SCFD2: variants seen among roughly 807,000 people sequenced by gnomAD.
SCFD2 encodes sec1 family domain-containing protein 2.
In SCFD2, 54 loss-of-function variants were observed where a neutral mutation model predicts 58.9. The observed-to-expected ratio is 0.92, with a 90% confidence interval of 0.74 to 1.15. The LOEUF (loss-of-function observed/expected upper bound fraction) is 1.15. Among genes scored for constraint, SCFD2 ranks in the 50% most tolerant of loss-of-function variants. The probability of loss-of-function intolerance (pLI) is 0.00; values close to 1 mark genes in which losing one functional copy is unlikely to be tolerated. For missense variants in SCFD2, 805 were observed against 836.6 expected, an observed-to-expected ratio of 0.96 and a Z score of 0.47; for synonymous variants, 321 against 335.9, an observed-to-expected ratio of 0.96 and a Z score of 0.49.
chr4:53,045,002 A>G (rs1400498227), intron 5 of SCFD2, among the ~76,000 whole-genome samples: 2 of 151,004 alleles, frequency 1.3e-5, no homozygotes, highest in African/African-American at 4.9e-5. Flanking sequence ...TTCTTAAAAT[A>G]AGCAATGCTA....
In SCFD2 at chr4:53,365,394, TC is replaced by T; in HGVS notation, c.547del (p.Asp183MetfsTer26). On this transcript the variant is annotated frameshift_variant, in exon 1 of 9. Transcript: ENST00000401642. LOFTEE classifies it high-confidence loss of function. This position sits in a 1 kb window ranked among gnomAD's most constrained non-coding sequence, Gnocchi z 4.3. ...TCGGGCGCTATTAAGGAGGTGCACA[TC>T]CTGGGGTAGCAGTGGGAAAAGGGAT... Reference protein sequence around the residue: ...FASLFPLLPQDVHLLNSARPD... With the variant: ...FASLFPLLPQXVHLLNSARPD... 6.2e-7 allele frequency: 1 copy of T among 1,614,098 alleles called. No homozygotes were observed. The highest frequency in any genetic ancestry group is 8.5e-7 in the Non-Finnish European group (1 of 1,180,014).
intron 3 of SCFD2, among the ~76,000 whole-genome samples, chr4:53,295,643 G>T (rs948143174): frequency 6.6e-6 from 1 of 152,132 alleles, no homozygotes; most frequent in Non-Finnish European, 1.5e-5. Context: ...TCTCTTGCCT[G>T]ATTACCCTGA....
At chr4:53,362,663 C>A (rs1461930908) in intron 1 of SCFD2, among the ~76,000 whole-genome samples, 1 of 138,628 alleles carries the variant, frequency 7.2e-6, no homozygotes, top group African/African-American at 2.7e-5. Context: ...ACAACTCTTT[C>A]AAGTTTGCTA....
At chr4:53,239,829 G>A (rs144039496) in intron 4 of SCFD2, among the ~76,000 whole-genome samples, 119 of 152,210 alleles carry the variant, frequency 7.8e-4, no homozygotes, top group African/African-American at 2.4e-3. Flanking sequence ...ATAGACCCAA[G>A]CTAAATTAAG....
intron 4 of SCFD2, among the ~76,000 whole-genome samples, chr4:53,254,989 C>T (rs535998278): frequency 6.6e-4 from 99 of 150,576 alleles, no homozygotes; most frequent in African/African-American, 2.2e-3. Flanking sequence ...TCTCCTGCCT[C>T]AGCCTCCCCA....
At chr4:53,117,214 G>A (rs1027358379) in intron 5 of SCFD2, among the ~76,000 whole-genome samples, 1 of 152,118 alleles carries the variant, frequency 6.6e-6, no homozygotes, top group Non-Finnish European at 1.5e-5. Flanking sequence ...GCACAAGAGG[G>A]GCCACATTTT....
chr4:53,336,894 AT>A (rs1409798567), intron 2 of SCFD2, among the ~76,000 whole-genome samples: 24 of 152,190 alleles, frequency 1.6e-4, no homozygotes, highest in African/African-American at 5.8e-4. Flanking sequence ...TGTGCTCAGT[AT>A]CCTTGAAGCC....
intron 5 of SCFD2, among the ~76,000 whole-genome samples, chr4:53,096,509 AT>A (rs1314772168): frequency 3.9e-5 from 6 of 152,152 alleles, no homozygotes; most frequent in Non-Finnish European, 8.8e-5. Context: ...GGCTGCATAA[AT>A]GTCTTCTTTT....
At chr4:52,908,164 T>C (rs1719393097) in intron 6 of SCFD2, among the ~76,000 whole-genome samples, 2 of 152,230 alleles carry the variant, frequency 1.3e-5, no homozygotes, top group South Asian at 4.1e-4. Context: ...GCAGACTACA[T>C]GGTATCATAA....
At chr4:53,297,156 G>A (rs368476566) in intron 3 of SCFD2, among the ~76,000 whole-genome samples, 5 of 152,082 alleles carry the variant, frequency 3.3e-5, no homozygotes, top group South Asian at 4.1e-4. Context: ...TATTAGGTCC[G>A]CTTGGTCTAG....
chr4:53,145,633 T>C (rs1367760426), intron 4 of SCFD2, 51 bp from the exon 5 acceptor site: 1 of 1,520,992 alleles, frequency 6.6e-7, no homozygotes. Context: ...AAAGACATAA[T>C]TTATGGATTA....
intron 4 of SCFD2, among the ~76,000 whole-genome samples, chr4:53,272,332 C>T (rs1170480079): frequency 6.6e-6 from 1 of 152,074 alleles, no homozygotes; most frequent in Non-Finnish European, 1.5e-5. Context: ...ACCATTTGAC[C>T]CAGCCATCCC....
At chr4:53,033,117 T>C (rs1722662540) in intron 5 of SCFD2, among the ~76,000 whole-genome samples, 1 of 151,756 alleles carries the variant, frequency 6.6e-6, no homozygotes, top group Non-Finnish European at 1.5e-5. Context: ...GAACAAACAG[T>C]CTCTCAGACC....
intron 2 of SCFD2, among the ~76,000 whole-genome samples, chr4:53,340,233 G>A (rs1733820533): frequency 6.6e-6 from 1 of 152,130 alleles, no homozygotes; most frequent in South Asian, 2.1e-4. Flanking sequence ...GTGACAGACG[G>A]CACCTGGAAA....
intron 2 of SCFD2, among the ~76,000 whole-genome samples, chr4:53,339,446 T>C (rs949822507): frequency 7.9e-5 from 12 of 151,918 alleles, no homozygotes; most frequent in Middle Eastern, 3.4e-3. Flanking sequence ...GTGTAACTAC[T>C]GAAAAAACAA....
intron 4 of SCFD2, among the ~76,000 whole-genome samples, chr4:53,192,021 C>G (rs1436418313): frequency 6.6e-6 from 1 of 152,176 alleles, no homozygotes; most frequent in African/African-American, 2.4e-5. Context: ...CAGCTCTGGA[C>G]TCTGGGAGTC....
intron 5 of SCFD2, among the ~76,000 whole-genome samples, chr4:52,983,267 T>C (rs1166295986): frequency 6.6e-6 from 1 of 152,114 alleles, no homozygotes; most frequent in Admixed American, 6.5e-5. Flanking sequence ...CCAACACCCA[T>C]AGAATAAGAT....
intron 8 of SCFD2, among the ~76,000 whole-genome samples, chr4:52,885,102 G>C (rs1343821633): frequency 6.6e-6 from 1 of 152,144 alleles, no homozygotes; most frequent in African/African-American, 2.4e-5. Flanking sequence ...TTCTTGTTTA[G>C]GGGATGGGAT....
At chr4:52,896,727 A>G (rs1264988904) in intron 7 of SCFD2, among the ~76,000 whole-genome samples, 4 of 152,224 alleles carry the variant, frequency 2.6e-5, no homozygotes, top group Non-Finnish European at 5.9e-5. Flanking sequence ...TGGGGATGAC[A>G]TTGAATCTAT....
Sources: gnomAD v4.1 joint callset for allele counts (sites outside exome capture counted in the v4.1 genomes callset) on GRCh38, gnomAD v4.1.1 for gene constraint, Gnocchi (gnomAD v3.1) non-coding constraint, MANE v1.5 for transcripts, NCBI Gene and HGNC (gene_info 2026-07-23, HGNC 2026-07-21) for gene names.